EXPH5: variants seen among roughly 807,000 people sequenced by gnomAD.
The protein encoded by EXPH5 is exophilin 5, also known as exophilin-5.
EXPH5 carries 42 observed loss-of-function variants against 41.1 expected under a neutral mutation model. The ratio of observed to expected loss-of-function variants is 1.02; its 90% CI spans 0.80 to 1.32. The LOEUF (loss-of-function observed/expected upper bound fraction) is 1.32, where lower values mean the gene tolerates loss of function less well. Among genes scored for constraint, EXPH5 ranks in the 40% most tolerant of loss-of-function variants. The probability of loss-of-function intolerance (pLI) is 0.00; values close to 1 mark genes in which losing one functional copy is unlikely to be tolerated. For synonymous variants in EXPH5, 798 were observed against 833.5 expected, an observed-to-expected ratio of 0.96 and a Z score of 0.73; for missense variants, 2,298 against 2,314.5, an observed-to-expected ratio of 0.99 and a Z score of 0.15.
intron 1 of EXPH5, among the ~76,000 whole-genome samples, chr11:108,559,485 C>T (rs1481906955): frequency 6.6e-6 from 1 of 152,168 alleles, no homozygotes; most frequent in Non-Finnish European, 1.5e-5. Context: ...GGTTTTCATC[C>T]ATAGACAGAG....
At chr11:108,581,416 G>T (rs1406346976) in intron 1 of EXPH5, among the ~76,000 whole-genome samples, 8 of 152,056 alleles carry the variant, frequency 5.3e-5, no homozygotes, top group Non-Finnish European at 1.2e-4. Flanking sequence ...TTGAGATTAT[G>T]AATATGCTAA....
intron 1 of EXPH5, among the ~76,000 whole-genome samples, chr11:108,587,313 T>C (rs1166505328): frequency 6.6e-6 from 1 of 152,244 alleles, no homozygotes; most frequent in African/African-American, 2.4e-5. Flanking sequence ...TTTAAGACCA[T>C]CTGTGCTAAT....
At chr11:108,587,458 G>C in intron 1 of EXPH5, among the ~76,000 whole-genome samples, 1 of 152,148 alleles carries the variant, frequency 6.6e-6, no homozygotes, top group East Asian at 1.9e-4. Flanking sequence ...TAGGTATTGA[G>C]TACCGAAGTG....
intron 3 of EXPH5, chr11:108,538,261 A>G (rs2136021831): frequency 1.0e-6 from 1 of 985,396 alleles, no homozygotes; most frequent in South Asian, 4.7e-5. Flanking sequence ...TCACGTGCCA[A>G]GCCAACACCT....
At chr11:108,524,973 G>T (rs1372718351) in intron 4 of EXPH5, among the ~76,000 whole-genome samples, 1 of 152,148 alleles carries the variant, frequency 6.6e-6, no homozygotes, top group African/African-American at 2.4e-5. Context: ...GTTGTGGGAG[G>T]GACCCAGTGG....
intron 1 of EXPH5, among the ~76,000 whole-genome samples, chr11:108,547,764 G>A (rs768417786): frequency 2.0e-4 from 31 of 152,086 alleles, no homozygotes; most frequent in Non-Finnish European, 4.4e-4. Context: ...CCTTATGTTT[G>A]TTTAGTAATT....
At chr11:108,558,992 G>C (rs1565821698) in intron 1 of EXPH5, among the ~76,000 whole-genome samples, 1 of 152,180 alleles carries the variant, frequency 6.6e-6, no homozygotes, top group Non-Finnish European at 1.5e-5. Flanking sequence ...AATTAAGCTT[G>C]TACCTAGCTC....
At chr11:108,593,299 C>T in intron 1 of EXPH5, 119 bp downstream of exon 1, 2 of 839,284 alleles carry the variant, frequency 2.4e-6, no homozygotes, top group Non-Finnish European at 3.9e-6. Context: ...GCAGCCTCCG[C>T]AGCAGCCGCT....
intron 1 of EXPH5, among the ~76,000 whole-genome samples, chr11:108,556,795 G>C (rs1363989469): frequency 6.6e-6 from 1 of 152,046 alleles, no homozygotes; most frequent in Non-Finnish European, 1.5e-5. Context: ...TATTGAACAT[G>C]ATTTTTTGTA....
chr11:108,537,034 A>T lies in EXPH5; in HGVS notation c.443+1990T>A, dbSNP rs117931453. ...CCCAGGGTGCTCGTAGGTAAGGAGG[A>T]GGTCCTGAATCACAGTCCATTTTGC... On this transcript the variant is annotated intron_variant, in intron 3 of 5. Transcript: ENST00000265843. 7.0e-3 allele frequency among the ~76,000 whole-genome samples: 1,064 copies of T among 152,258 alleles called. 6 individuals carry two copies. The highest frequency in any genetic ancestry group is 0.011 in the Non-Finnish European group (731 of 68,016).
At chr11:108,558,592 C>A (rs1361324970) in intron 1 of EXPH5, among the ~76,000 whole-genome samples, 1 of 152,182 alleles carries the variant, frequency 6.6e-6, no homozygotes, top group East Asian at 1.9e-4. Context: ...CTTTCACTTT[C>A]TTTGAACTTT....
At chr11:108,553,987 T>C (rs2093979682) in intron 1 of EXPH5, among the ~76,000 whole-genome samples, 1 of 152,156 alleles carries the variant, frequency 6.6e-6, no homozygotes, top group African/African-American at 2.4e-5. Context: ...ATTATCCCTA[T>C]TTTACCAATG....
upstream of EXPH5, among the ~76,000 whole-genome samples, chr11:108,595,530 T>C (rs1186955605): frequency 6.6e-6 from 1 of 152,204 alleles, no homozygotes; most frequent in African/African-American, 2.4e-5. Flanking sequence ...GAACAAAAGC[T>C]TGGAAGCTAG....
chr11:108,586,979 C>T (rs1020306717), intron 1 of EXPH5, among the ~76,000 whole-genome samples: 9 of 152,096 alleles, frequency 5.9e-5, no homozygotes, highest in African/African-American at 1.7e-4. Flanking sequence ...ACAGAAAAAC[C>T]GACCTGAATG....
At chr11:108,534,461 G>T (rs150417918) in intron 3 of EXPH5, among the ~76,000 whole-genome samples, 723 of 152,270 alleles carry the variant, frequency 4.7e-3, no homozygotes, top group Non-Finnish European at 7.5e-3. Context: ...TCCCTTAACA[G>T]CCCTCACCTT....
Position 108,510,943 on chromosome 11 carries a change from C to T in EXPH5, c.4564G>A (p.Glu1522Lys), listed in dbSNP as rs150950878. 5.4e-5 allele frequency: 87 copies of T among 1,614,102 alleles called. No homozygotes were observed. In the African/African-American group the frequency reaches 9.9e-4, roughly 18 times the overall value. Reference sequence around the variant, plus strand: ...AAGTTTGGTTCATCTGACTGAGTCTCCTCACCAAGCTGTAGTTTATGCAAT... The same window carrying T: ...AAGTTTGGTTCATCTGACTGAGTCTTCTCACCAAGCTGTAGTTTATGCAAT... Reference protein sequence around the residue: ...PALHKLQLGEETQSDEPNLES... With the variant: ...PALHKLQLGEKTQSDEPNLES... The change falls in exon 6 of 6, where the codon GAG (glutamate) becomes AAG (lysine). Residue 1522 changes from glutamate (E) to lysine (K), a missense_variant. Physicochemically the swap from Glu to Lys is moderately conservative, Grantham distance 56. Coordinates refer to ENST00000265843, the MANE Select transcript of EXPH5 (RefSeq NM_015065.3).
chr11:108,515,024 AT>A, intron 5 of EXPH5, 149 bp from the exon 6 acceptor site: 2 of 455,402 alleles, frequency 4.4e-6, no homozygotes, highest in Non-Finnish European at 7.2e-6. Context: ...TTTTGATTAT[AT>A]TTTTAAGATA....
At position 108,511,003 on chromosome 11, in the gene EXPH5, G is replaced by C. The variant is rs1462270340; in HGVS notation, c.4504C>G (p.His1502Asp). Residue 1502 changes from histidine (H) to aspartate (D), a missense_variant, in exon 6 of 6, where the codon CAC becomes GAC. Transcript: ENST00000265843. ...CQKMTNKTLS[H>D]SESQVFALTP... Reference sequence around the variant, plus strand: ...AGGGCAAAGACTTGACTCTCTGAGTGAGAAAGTGTTTTATTAGTCATTTTT... The same window carrying C: ...AGGGCAAAGACTTGACTCTCTGAGTCAGAAAGTGTTTTATTAGTCATTTTT... 6.2e-7 allele frequency: 1 copy of C among 1,614,086 alleles called. No individual in the cohort carries two copies. Among genetic ancestry groups the C allele is most frequent in the African/African-American group, 1.3e-5 (1 of 74,942 alleles).
At position 108,509,613 on chromosome 11, in the gene EXPH5, T is replaced by C; in HGVS notation, c.5894A>G (p.Asp1965Gly). 1 of 1,609,054 alleles carries C rather than the reference T, an allele frequency of 6.2e-7. No homozygotes were observed. Among genetic ancestry groups the C allele is most frequent in the Non-Finnish European group, 8.5e-7 (1 of 1,178,412 alleles). Reference sequence around the variant, plus strand: ...GGTTGTGTCTGTGTCACAATCTGAGTCCACTGGGTCATCCTCATAGATATT... The same window carrying C: ...GGTTGTGTCTGTGTCACAATCTGAGCCCACTGGGTCATCCTCATAGATATT... ...PLNIYEDDPV[D>G]SDCDTDTTTD... The change falls in exon 6 of 6, where the codon GAC becomes GGC. Residue 1965 changes from aspartate (D) to glycine (G), a missense_variant. By Grantham distance (94) the Asp-to-Gly change is moderately conservative. Transcript: ENST00000265843.
Sources: gnomAD v4.1 joint callset for allele counts (sites outside exome capture counted in the v4.1 genomes callset) on GRCh38, gnomAD v4.1.1 for gene constraint, MANE v1.5 for transcripts, NCBI Gene and HGNC (gene_info 2026-07-23, HGNC 2026-07-21) for gene names.